The following WDPCP variants were observed in gnomAD, a reference collection of about 807,000 sequenced individuals.
The protein encoded by WDPCP is WD repeat containing planar cell polarity effector.
Under a neutral mutation model 93.1 loss-of-function variants are expected in WDPCP, and 71 were observed. The ratio of observed to expected loss-of-function variants is 0.76; its 90% CI spans 0.63 to 0.93. WDPCP has a LOEUF of 0.93. WDPCP is among the 40% of genes least tolerant of loss of function. The pLI, the probability that WDPCP is intolerant of heterozygous loss-of-function variation, is 0.00. For synonymous variants in WDPCP, 315 were observed against 315.0 expected (o/e 1.00, Z 0.00); for missense variants, 844 against 887.4 (o/e 0.95, Z 0.62).
chr2:63,313,493 G>T (rs1686338815), intron 12 of WDPCP, among the ~76,000 whole-genome samples, 182 bp from the exon 13 acceptor site: 1 of 152,076 alleles, frequency 6.6e-6, no homozygotes, highest in African/African-American at 2.4e-5. Flanking sequence ...CATTTAGGAG[G>T]GGCTGAGGCG....
chr2:63,751,993 T>C (rs1379614304), intron 2 of WDPCP: 2 of 629,428 alleles, frequency 3.2e-6, no homozygotes, highest in African/African-American at 1.8e-5. Context: ...ATCAAAGTTG[T>C]CATTTCCACT....
intron 14 of WDPCP, among the ~76,000 whole-genome samples, chr2:63,201,956 T>G (rs751446198): frequency 1.3e-5 from 2 of 152,042 alleles, no homozygotes; most frequent in Non-Finnish European, 2.9e-5. Flanking sequence ...TTGGGATTTG[T>G]TAGTTCTGTT....
chr2:63,158,023 AT>A (rs76902515), intron 15 of WDPCP, among the ~76,000 whole-genome samples: 28,800 of 148,182 alleles, frequency 0.19, 3,234 homozygotes, highest in East Asian at 0.53. Context: ...TTAAGCTGTG[AT>A]TTTTTTTTTC....
intron 3 of WDPCP, chr2:63,597,253 C>G: frequency 1.6e-6 from 2 of 1,228,778 alleles, no homozygotes; most frequent in Non-Finnish European, 2.1e-6. Context: ...AATATATTAT[C>G]TTTCTCAGGC....
chr2:63,283,931 G>C (rs1683771398), intron 13 of WDPCP, among the ~76,000 whole-genome samples: 1 of 152,136 alleles, frequency 6.6e-6, no homozygotes, highest in Non-Finnish European at 1.5e-5. Flanking sequence ...GTGATACAAA[G>C]CTGAGAGGAT....
At chr2:63,136,544 T>G (rs1449041998) in intron 17 of WDPCP, among the ~76,000 whole-genome samples, 1 of 151,990 alleles carries the variant, frequency 6.6e-6, no homozygotes, top group Non-Finnish European at 1.5e-5. Flanking sequence ...ACAAATATTC[T>G]TTTTTTTAAC....
At chr2:63,157,482 G>A (rs576476717) in intron 15 of WDPCP, among the ~76,000 whole-genome samples, 82 of 152,064 alleles carry the variant, frequency 5.4e-4, no homozygotes, top group African/African-American at 1.7e-3. Context: ...TTCTCTCAAC[G>A]AATTCACCAG....
chr2:63,714,204 C>A lies in WDPCP; in HGVS notation n.309-63366G>T, dbSNP rs559829978. 3.3e-5 allele frequency among the ~76,000 whole-genome samples: 5 copies of A among 151,784 alleles called. No individual in the cohort carries two copies. The East Asian group carries it at 9.7e-4, about 30-fold the overall frequency. ...CCGAGTAGCTGGGATTATAGGTACC[C>A]GCCACCATGCCCAGCTAGTTTTTAA... On this transcript the variant is annotated intron_variant and non_coding_transcript_variant, in intron 2 of 4. Coordinates refer to the WDPCP transcript ENST00000467687.
Position 63,816,723 on chromosome 2 carries a change from G to A in WDPCP, n.223-3016C>T, listed in dbSNP as rs1013224879. ...ACGTTTGTAGTCATTTGTTAAGGCAGCCCTAGGAAACTAATACAGGGATAT... is the reference window on the plus strand; with the variant it reads ...ACGTTTGTAGTCATTTGTTAAGGCAACCCTAGGAAACTAATACAGGGATAT... On this transcript the variant is annotated intron_variant and non_coding_transcript_variant, in intron 1 of 4. Coordinates refer to the WDPCP transcript ENST00000467687. Among the ~76,000 whole-genome samples, 31 of 152,136 alleles carry A rather than the reference G, an allele frequency of 2.0e-4. 3 individuals carry two copies. Among genetic ancestry groups the A allele is most frequent in the Admixed American group, 1.4e-3 (21 of 15,266 alleles).
chr2:63,474,794 ATAT>A (rs1699878915), intron 6 of WDPCP, among the ~76,000 whole-genome samples: 1 of 152,160 alleles, frequency 6.6e-6, no homozygotes, highest in Non-Finnish European at 1.5e-5. Context: ...GTAAGTTCAA[ATAT>A]TATGTGTTAA....
At chr2:63,678,068 T>C (rs1710444889) in intron 2 of WDPCP, among the ~76,000 whole-genome samples, 1 of 152,168 alleles carries the variant, frequency 6.6e-6, no homozygotes. Context: ...AAATAAAGCT[T>C]GAAAATAGGG....
intron 2 of WDPCP, among the ~76,000 whole-genome samples, chr2:63,769,602 G>T (rs933647152): frequency 2.6e-5 from 4 of 151,850 alleles, no homozygotes; most frequent in Non-Finnish European, 5.9e-5. Context: ...TAAACAAATT[G>T]TCTATTAGAC....
At chr2:63,692,136 T>C (rs1192409554) in intron 2 of WDPCP, among the ~76,000 whole-genome samples, 1 of 152,138 alleles carries the variant, frequency 6.6e-6, no homozygotes, top group Admixed American at 6.6e-5. Flanking sequence ...CCTGATTTTG[T>C]TAGAGCCTTA....
intron 13 of WDPCP, among the ~76,000 whole-genome samples, chr2:63,261,063 A>G (rs1681587328): frequency 6.6e-6 from 1 of 152,236 alleles, no homozygotes; most frequent in African/African-American, 2.4e-5. Flanking sequence ...AATGTAAAAC[A>G]GTGCTTATAC....
chr2:63,137,316 A>C (rs750960850), intron 17 of WDPCP, among the ~76,000 whole-genome samples: 1 of 152,118 alleles, frequency 6.6e-6, no homozygotes, highest in Non-Finnish European at 1.5e-5. Flanking sequence ...TTCTCTGATG[A>C]TCAAAGATGT....
chr2:63,224,201 T>A lies in WDPCP; in HGVS notation c.1915+35106A>T, dbSNP rs558627415. ...CAATAATGAAAATAACAAGGAGATA[T>A]GACTACACACCTATTGGGATGGCCA... On this transcript the variant is annotated intron_variant, in intron 14 of 17. Coordinates refer to ENST00000272321, the MANE Select transcript of WDPCP (RefSeq NM_015910.7). Among the ~76,000 whole-genome samples, 16 of 152,172 alleles carry A rather than the reference T, an allele frequency of 1.1e-4. 1 individual carries two copies. Among genetic ancestry groups the A allele is most frequent in the African/African-American group, 3.6e-4 (15 of 41,550 alleles).
At chr2:63,636,586 C>T (rs1224228101) in intron 3 of WDPCP, among the ~76,000 whole-genome samples, 1 of 152,156 alleles carries the variant, frequency 6.6e-6, no homozygotes. Flanking sequence ...CAGGTACATA[C>T]CACATGCCTG....
intron 6 of WDPCP, among the ~76,000 whole-genome samples, chr2:63,447,620 A>G (rs1436841074): frequency 6.6e-6 from 1 of 152,134 alleles, no homozygotes; most frequent in African/African-American, 2.4e-5. Flanking sequence ...TTCTTATTAC[A>G]TTGCCTTGAT....
At chr2:63,767,200 A>G (rs897774310) in intron 2 of WDPCP, among the ~76,000 whole-genome samples, 2 of 152,108 alleles carry the variant, frequency 1.3e-5, no homozygotes, top group African/African-American at 4.8e-5. Flanking sequence ...TTTATTACTG[A>G]GTAATAGTGC....
Sources: allele counts gnomAD v4.1 joint callset (sites outside exome capture counted in the v4.1 genomes callset), GRCh38; gene constraint gnomAD v4.1.1; transcripts MANE v1.5; gene names NCBI Gene and HGNC (gene_info 2026-07-23, HGNC 2026-07-21).